IGSF21: variants seen among roughly 807,000 people sequenced by gnomAD.
IGSF21 encodes immunoglobin superfamily member 21.
In IGSF21, 28 loss-of-function variants were observed where a neutral mutation model predicts 46.8. The ratio of observed to expected loss-of-function variants is 0.60; its 90% CI spans 0.44 to 0.82. The LOEUF is 0.82. Among genes scored for constraint, IGSF21 ranks in the 40% least tolerant of loss-of-function variants. The pLI is 0.00. For synonymous variants in IGSF21, 284 were observed against 273.6 expected, an observed-to-expected ratio of 1.04 and a Z score of -0.38; for missense variants, 624 against 665.5, an observed-to-expected ratio of 0.94 and a Z score of 0.69.
intron 1 of IGSF21, among the ~76,000 whole-genome samples, chr1:18,154,995 T>C (rs74055913): frequency 2.6e-3 from 393 of 152,100 alleles, no homozygotes; most frequent in African/African-American, 9.1e-3. Context: ...GGGGCTCACT[T>C]ATGCCTCCTG....
chr1:18,331,223 C>T (rs928864078), intron 3 of IGSF21, among the ~76,000 whole-genome samples: 1 of 152,190 alleles, frequency 6.6e-6, no homozygotes, highest in Admixed American at 6.5e-5. Context: ...GAGCAGTATG[C>T]CCTATCCCAA....
chr1:18,162,407 C>T (rs1415776421), intron 1 of IGSF21, among the ~76,000 whole-genome samples: 1 of 152,144 alleles, frequency 6.6e-6, no homozygotes, highest in African/African-American at 2.4e-5. Context: ...TTGGTAGAAA[C>T]CATCCTTTGA....
At chr1:18,291,165 A>G (rs1483074757) in intron 2 of IGSF21, among the ~76,000 whole-genome samples, 2 of 152,186 alleles carry the variant, frequency 1.3e-5, no homozygotes, top group Non-Finnish European at 2.9e-5. Flanking sequence ...TCCATCAGCC[A>G]TGAACAGCGG....
chr1:18,254,580 C>T (rs223179), intron 2 of IGSF21, among the ~76,000 whole-genome samples: 43,306 of 152,084 alleles, frequency 0.28, 7,239 homozygotes, highest in East Asian at 0.64. Context: ...TGTCTTCATC[C>T]TTTCTAGTCT....
chr1:18,316,352 G>C (rs576553888), intron 3 of IGSF21, among the ~76,000 whole-genome samples: 1 of 152,304 alleles, frequency 6.6e-6, no homozygotes, highest in East Asian at 1.9e-4. Flanking sequence ...CTGCTGTTAA[G>C]GGAGCAGTCC....
chr1:18,341,385 G>T (rs2085839966), intron 4 of IGSF21, among the ~76,000 whole-genome samples: 1 of 152,016 alleles, frequency 6.6e-6, no homozygotes, highest in African/African-American at 2.4e-5. Flanking sequence ...CATTTATACG[G>T]ACTGTGGGTC....
chr1:18,366,653 G>A (rs1302256985), intron 6 of IGSF21, among the ~76,000 whole-genome samples: 1 of 152,170 alleles, frequency 6.6e-6, no homozygotes, highest in Non-Finnish European at 1.5e-5. Flanking sequence ...ATAGGACATG[G>A]AAGGATATCA....
chr1:18,189,801 T>C (rs550479633), intron 1 of IGSF21, among the ~76,000 whole-genome samples: 39 of 152,276 alleles, frequency 2.6e-4, no homozygotes, highest in African/African-American at 8.9e-4. Context: ...TTGCCTGCCA[T>C]TCGCTTACTG....
At position 18,334,810 on chromosome 1, in the gene IGSF21, G is replaced by A; in HGVS notation, c.306-82G>A. On this transcript the variant is annotated intron_variant, in intron 3 of 9. Coordinates refer to ENST00000251296, the MANE Select transcript of IGSF21 (RefSeq NM_032880.5). The surrounding 1 kb of genome is among the most constrained non-coding windows in gnomAD (Gnocchi z 4.3). ...TTTGTTAGTGGAGGCTGCACCAGTG[G>A]GCATCAGGATGAGTTTCCTTGAACG... 1.0e-6 allele frequency: 1 copy of A among 953,626 alleles called. No individual in the cohort carries two copies. The highest frequency in any genetic ancestry group is 1.7e-6 in the Non-Finnish European group (1 of 588,558). The allele number at this position is 953,626 out of a possible 1,614,324, so 59.1% of individuals were successfully genotyped here.
At chr1:18,110,206 C>G (rs1447544589) in intron 1 of IGSF21, 1 of 152,254 alleles carries the variant, frequency 6.6e-6, no homozygotes, top group Non-Finnish European at 1.5e-5. Flanking sequence ...AGCGCAGACG[C>G]GGATCGCGAA....
At chr1:18,163,713 G>A (rs2086650555) in intron 1 of IGSF21, among the ~76,000 whole-genome samples, 1 of 152,130 alleles carries the variant, frequency 6.6e-6, no homozygotes, top group Admixed American at 6.5e-5. Flanking sequence ...GTGGGAAAAG[G>A]CCCCCCAAGC....
intron 3 of IGSF21, among the ~76,000 whole-genome samples, chr1:18,297,389 G>A (rs2085321619): frequency 6.6e-6 from 1 of 152,050 alleles, no homozygotes; most frequent in Non-Finnish European, 1.5e-5. Context: ...CATCACAAAG[G>A]AATTGAGTAG....
At chr1:18,204,624 G>C (rs1203956395) in intron 1 of IGSF21, among the ~76,000 whole-genome samples, 1 of 152,122 alleles carries the variant, frequency 6.6e-6, no homozygotes, top group East Asian at 1.9e-4. Context: ...AGGTCAAGTA[G>C]GAGGGCCATC....
rs183822336 is a variant in IGSF21, at chr1:18,208,526, A to G, written c.71-19372A>G. On this transcript the variant is annotated intron_variant, in intron 1 of 9. Coordinates refer to ENST00000251296, the MANE Select transcript of IGSF21 (RefSeq NM_032880.5). ...CCTCCCGAGCAGCTGGGACTACAGG[A>G]GCCCACCATCAAGCCCAGCTAATTT... Among the ~76,000 whole-genome samples, 272 of 144,398 alleles carry G rather than the reference A, an allele frequency of 1.9e-3. 3 individuals are homozygous for G. The highest frequency in any genetic ancestry group is 6.7e-3 in the African/African-American group (264 of 39,350). 94.7% of individuals were successfully genotyped at this position (144,398 alleles called of 152,430 possible).
In IGSF21 at chr1:18,118,307, G is replaced by A. The variant is rs150569034; in HGVS notation, c.70+10109G>A. Among the ~76,000 whole-genome samples, 28 of 152,228 alleles carry A rather than the reference G, an allele frequency of 1.8e-4. No individual in the cohort carries two copies. The East Asian group carries it at 4.6e-3, about 25-fold the overall frequency. Reference sequence around the variant, plus strand: ...CCCTAACGCCGCCCCAAAGGAAGGCGTTCATCACAGGCTGCCCTGGCATCA... The same window carrying A: ...CCCTAACGCCGCCCCAAAGGAAGGCATTCATCACAGGCTGCCCTGGCATCA... On this transcript the variant is annotated intron_variant, in intron 1 of 9. Transcript: ENST00000251296.
intron 3 of IGSF21, among the ~76,000 whole-genome samples, chr1:18,312,318 A>G (rs2085497317): frequency 6.6e-6 from 1 of 152,224 alleles, no homozygotes; most frequent in Admixed American, 6.5e-5. Flanking sequence ...TCACTGAGAT[A>G]GGTCGTGCTT....
At chr1:18,366,775 C>T (rs2086169342) in intron 6 of IGSF21, among the ~76,000 whole-genome samples, 1 of 152,180 alleles carries the variant, frequency 6.6e-6, no homozygotes, top group South Asian at 2.1e-4. Context: ...GAATCTAATC[C>T]ATGTCCATGA....
In IGSF21 at chr1:18,334,804, C is replaced by T; in HGVS notation, c.306-88C>T. 1.1e-6 allele frequency: 1 copy of T among 917,738 alleles called. No individual in the cohort carries two copies. The highest frequency in any genetic ancestry group is 1.8e-6 in the Non-Finnish European group (1 of 558,108). 56.8% of individuals were successfully genotyped at this position (917,738 alleles called of 1,614,324 possible). The stretch of plus-strand genomic sequence containing the variant: ...CCTGTGTTTGTTAGTGGAGGCTGCA[C>T]CAGTGGGCATCAGGATGAGTTTCCT... On this transcript the variant is annotated intron_variant, in intron 3 of 9. Transcript: ENST00000251296. The surrounding 1 kb of genome is among the most constrained non-coding windows in gnomAD (Gnocchi z 4.3).
intron 2 of IGSF21, among the ~76,000 whole-genome samples, chr1:18,268,221 A>C (rs2124542902): frequency 6.6e-6 from 1 of 152,358 alleles, no homozygotes; most frequent in African/African-American, 2.4e-5. Context: ...AGATGGGAAA[A>C]CAGAACTTTG....
Sources: allele counts gnomAD v4.1 joint callset (sites outside exome capture counted in the v4.1 genomes callset), GRCh38; gene constraint gnomAD v4.1.1; non-coding constraint Gnocchi (gnomAD v3.1); transcripts MANE v1.5; gene names NCBI Gene and HGNC (gene_info 2026-07-23, HGNC 2026-07-21).